Variants in SAMMSON observed in about 807,000 individuals in gnomAD.
SAMMSON encodes the protein long intergenic non-protein coding RNA 1212.
chr3:70,114,417 A>G (rs1467791599), intron 4 of SAMMSON, among the ~76,000 whole-genome samples: 1 of 152,224 alleles, frequency 6.6e-6, no homozygotes, highest in Non-Finnish European at 1.5e-5. Flanking sequence ...GTAAAATATA[A>G]ATCAACATTG....
intron 4 of SAMMSON, among the ~76,000 whole-genome samples, chr3:70,147,007 G>A (rs2067551694): frequency 6.6e-6 from 1 of 151,998 alleles, no homozygotes. Flanking sequence ...AAAATTGATA[G>A]TATTTCTAGA....
At chr3:70,405,476 A>G (rs1701170677) in intron 2 of SAMMSON, among the ~76,000 whole-genome samples, 1 of 152,302 alleles carries the variant, frequency 6.6e-6, no homozygotes, top group African/African-American at 2.4e-5. Flanking sequence ...AAAGGAAACT[A>G]TGAGCATAAT....
chr3:70,233,521 C>T (rs574685795), intron 4 of SAMMSON, among the ~76,000 whole-genome samples: 1 of 152,296 alleles, frequency 6.6e-6, no homozygotes, highest in South Asian at 2.1e-4. Flanking sequence ...ATTGACAAGG[C>T]TTTAAAGCAT....
intron 3 of SAMMSON, among the ~76,000 whole-genome samples, chr3:70,059,023 G>T (rs1243739900): frequency 2.0e-5 from 3 of 152,018 alleles, no homozygotes; most frequent in Non-Finnish European, 4.4e-5. Flanking sequence ...ACCTGTTTAA[G>T]TTCATAAGAA....
chr3:70,138,195 T>C (rs928545928), intron 4 of SAMMSON, among the ~76,000 whole-genome samples: 6 of 152,216 alleles, frequency 3.9e-5, no homozygotes, highest in African/African-American at 1.4e-4. Flanking sequence ...AACATTTTCA[T>C]TGGCACTTTA....
At chr3:70,184,581 A>G (rs1296022403) in intron 4 of SAMMSON, among the ~76,000 whole-genome samples, 1 of 152,180 alleles carries the variant, frequency 6.6e-6, no homozygotes, top group Non-Finnish European at 1.5e-5. Context: ...GGTTTCTTAT[A>G]TGTTTGTTAG....
chr3:70,057,229 G>T (rs971398522), intron 3 of SAMMSON, among the ~76,000 whole-genome samples: 1 of 151,994 alleles, frequency 6.6e-6, no homozygotes, highest in Non-Finnish European at 1.5e-5. Context: ...GGGAAAGGGG[G>T]TTAAAAATGA....
At chr3:70,404,565 C>T (rs1701165234) in intron 2 of SAMMSON, among the ~76,000 whole-genome samples, 1 of 152,130 alleles carries the variant, frequency 6.6e-6, no homozygotes, top group South Asian at 2.1e-4. Context: ...TTAGAGTCCT[C>T]ATATTAAGTA....
intron 4 of SAMMSON, among the ~76,000 whole-genome samples, chr3:70,087,104 G>A (rs1261863027): frequency 6.6e-6 from 1 of 152,116 alleles, no homozygotes; most frequent in Non-Finnish European, 1.5e-5. Flanking sequence ...TTCTCCAGGA[G>A]GACACTGAGG....
chr3:70,326,147 C>A (rs1023189059), intron 7 of SAMMSON, among the ~76,000 whole-genome samples: 1 of 152,054 alleles, frequency 6.6e-6, no homozygotes, highest in Admixed American at 6.6e-5. Context: ...TCCTTCCCTC[C>A]CTTTCTCCTT....
At chr3:70,384,304 C>A (rs1703102556) in intron 9 of SAMMSON, among the ~76,000 whole-genome samples, 1 of 151,860 alleles carries the variant, frequency 6.6e-6, no homozygotes, top group African/African-American at 2.4e-5. Flanking sequence ...GTGACCACTG[C>A]ACATTTTAAA....
intron 3 of SAMMSON, among the ~76,000 whole-genome samples, chr3:70,018,438 A>AT (rs2066996713): frequency 1.3e-5 from 2 of 152,160 alleles, no homozygotes; most frequent in African/African-American, 4.8e-5. Flanking sequence ...CCCCTGTATC[A>AT]TTTTTTATTG....
At chr3:70,116,442 A>G (rs1333618100) in intron 4 of SAMMSON, among the ~76,000 whole-genome samples, 1 of 151,960 alleles carries the variant, frequency 6.6e-6, no homozygotes, top group Non-Finnish European at 1.5e-5. Flanking sequence ...TTTACATGAA[A>G]GGCAAGATTC....
chr3:70,077,135 A>G (rs2067250664), intron 4 of SAMMSON, among the ~76,000 whole-genome samples: 1 of 152,202 alleles, frequency 6.6e-6, no homozygotes, highest in Non-Finnish European at 1.5e-5. Context: ...TTAGTAGGCT[A>G]GCACTTCTAA....
At chr3:70,276,307 ATAACTT>A (rs1702025166) in intron 6 of SAMMSON, among the ~76,000 whole-genome samples, 1 of 152,180 alleles carries the variant, frequency 6.6e-6, no homozygotes, top group Non-Finnish European at 1.5e-5. Flanking sequence ...GTCATTTTAA[ATAACTT>A]TATATTATTC....
intron 3 of SAMMSON, among the ~76,000 whole-genome samples, chr3:70,055,058 T>G (rs953235014): frequency 1.3e-5 from 2 of 152,116 alleles, no homozygotes; most frequent in Admixed American, 6.6e-5. Context: ...ACTGTAGTTG[T>G]TTTTTTAAAT....
intron 2 of SAMMSON, among the ~76,000 whole-genome samples, chr3:70,418,965 CT>C (rs11340173): frequency 0.16 from 11,280 of 69,768 alleles, 681 homozygotes; most frequent in Non-Finnish European, 0.24. Flanking sequence ...CTTTCCTTTC[CT>C]TTCCTTCCTT....
At chr3:70,076,219 G>T (rs2067248177) in intron 4 of SAMMSON, among the ~76,000 whole-genome samples, 1 of 152,030 alleles carries the variant, frequency 6.6e-6, no homozygotes, top group South Asian at 2.1e-4. Context: ...TAGGGTGAGG[G>T]TGGCGTGGGA....
At chr3:70,233,659 C>T (rs1014871776) in intron 4 of SAMMSON, among the ~76,000 whole-genome samples, 1 of 152,144 alleles carries the variant, frequency 6.6e-6, no homozygotes, top group African/African-American at 2.4e-5. Flanking sequence ...CATCCCTCTA[C>T]TTCCTTCAGT....
Sources: allele counts gnomAD v4.1 joint callset (sites outside exome capture counted in the v4.1 genomes callset), GRCh38; gene constraint gnomAD v4.1.1; transcripts MANE v1.5; gene names NCBI Gene and HGNC (gene_info 2026-07-23, HGNC 2026-07-21).